Variants in CCT4 observed in about 807,000 individuals in gnomAD.
CCT4 encodes T-complex protein 1 subunit delta.
A neutral mutation model predicts 62.5 loss-of-function variants in CCT4; 17 were observed. The observed-to-expected ratio is 0.27, with a 90% CI of 0.19 to 0.41. The LOEUF is 0.41. CCT4 is among the 10% of genes least tolerant of loss of function. CCT4 has a pLI of 1.00. For synonymous variants in CCT4, 250 were observed against 229.9 expected (o/e 1.09, Z -0.79); for missense variants, 592 against 659.2 (o/e 0.90, Z 1.12).
intron 1 of CCT4, among the ~76,000 whole-genome samples, chr2:61,887,496 T>C (rs1265332794): frequency 1.3e-5 from 2 of 152,178 alleles, no homozygotes. Flanking sequence ...ACCTCTTCTG[T>C]AAACATACTA....
chr2:61,888,371 A>G lies in CCT4; in HGVS notation c.127+10T>C. 1.2e-6 allele frequency: 2 copies of G among 1,612,090 alleles called. No individual in the cohort carries two copies. Among genetic ancestry groups the G allele is most frequent in the Non-Finnish European group, 8.5e-7 (1 of 1,179,122 alleles). On this transcript the variant is annotated intron_variant, in intron 1 of 13. Coordinates refer to ENST00000394440, the MANE Select transcript of CCT4 (RefSeq NM_006430.4). Reference sequence around the variant, plus strand: ...CCGCGGCGCCGCGGGTCAGGCCATGAGAGTGATACCTTTGGCGGCGGAAAT... The same window carrying G: ...CCGCGGCGCCGCGGGTCAGGCCATGGGAGTGATACCTTTGGCGGCGGAAAT...
intron 12 of CCT4, among the ~76,000 whole-genome samples, chr2:61,870,657 G>A (rs1668864888): frequency 6.6e-6 from 1 of 152,150 alleles, no homozygotes; most frequent in Non-Finnish European, 1.5e-5. Flanking sequence ...CGTGGCTCAC[G>A]CCTATAATCC....
At chr2:61,878,105 T>C (rs1453787760) in intron 5 of CCT4, among the ~76,000 whole-genome samples, 2 of 152,196 alleles carry the variant, frequency 1.3e-5, no homozygotes, top group Non-Finnish European at 2.9e-5. Flanking sequence ...CTATCTGTAT[T>C]AGTTCTAAGG....
intron 8 of CCT4, among the ~76,000 whole-genome samples, chr2:61,875,706 T>C (rs1668983509): frequency 6.6e-6 from 1 of 151,772 alleles, no homozygotes; most frequent in African/African-American, 2.4e-5. Context: ...ATCGAAGAAA[T>C]AAGTTTTTTA....
rs1279688851 is a variant in CCT4 at position 61,873,242 on chromosome 2, C to T, written c.969G>A (p.Met323Ile). 3.9e-6 allele frequency: 6 copies of T among 1,542,278 alleles called. No homozygotes were observed. Among genetic ancestry groups the T allele is most frequent in the Non-Finnish European group, 5.4e-6 (6 of 1,115,232 alleles). Residue 323 changes from methionine (M) to isoleucine (I), a missense_variant, in exon 9 of 14, where the codon ATG (methionine) becomes ATA (isoleucine). Physicochemically the swap from Met to Ile is conservative, Grantham distance 10. Around this residue, in one of 3 missense-constraint regions of CCT4, gnomAD observed 522 missense variants for 571.2 expected, o/e 0.91. Coordinates refer to ENST00000394440, the MANE Select transcript of CCT4 (RefSeq NM_006430.4). ...ALHFLNKMKI[M>I]VIKDIEREDI... ...CTTCTCTTTCAATATCCTTAATCAC[C>T]ATGATCTTCATTTTATTCAGAAAGT...
At chr2:61,870,623 T>TA (rs966861337) in intron 12 of CCT4, among the ~76,000 whole-genome samples, 7 of 152,022 alleles carry the variant, frequency 4.6e-5, no homozygotes, top group Non-Finnish European at 1.0e-4. Context: ...GCCTCTTGCT[T>TA]AAAAAAATCT....
Position 61,876,141 on chromosome 2 carries a change from T to C in CCT4, c.871A>G (p.Lys291Glu). The stretch of plus-strand genomic sequence containing the variant: ...AGAAGGACATTACATCCTGTTTTTT[T>C]AATTTGCTTCACTAAATTTAAAATA... ...AYILNLVKQI[K>E]KTGCNVLLIQ... Residue 291 changes from lysine (K) to glutamate (E), a missense_variant, in exon 8 of 14, where the codon AAA becomes GAA. This residue lies in a region of CCT4 where 522 missense variants were observed against 571.2 expected (regional missense o/e 0.91). Coordinates refer to ENST00000394440, the MANE Select transcript of CCT4 (RefSeq NM_006430.4). 1.2e-6 allele frequency: 2 copies of C among 1,605,244 alleles called. No homozygotes were observed. The highest frequency in any genetic ancestry group is 4.5e-5 in the East Asian group (2 of 44,772).
chr2:61,887,766 A>C (rs191907517), intron 1 of CCT4, among the ~76,000 whole-genome samples: 15 of 152,364 alleles, frequency 9.8e-5, no homozygotes, highest in Admixed American at 9.8e-4. Flanking sequence ...ACACACTTCC[A>C]CAAAAAAAAC....
intron 5 of CCT4, among the ~76,000 whole-genome samples, chr2:61,878,092 A>G (rs982394573): frequency 3.6e-4 from 55 of 152,318 alleles, no homozygotes; most frequent in Middle Eastern, 6.8e-3. Context: ...CCATTACGCT[A>G]TACTATCTGT....
rs1028933640 is a variant in CCT4 at position 61,876,907 on chromosome 2, G to C, written c.777+13C>G. On this transcript the variant is annotated intron_variant, in intron 7 of 13. Transcript: ENST00000394440. ...TAAACACAGAGAACCAATTTCATTT[G>C]GATTCTACTTACGTCTGTTTTGGGA... 1 of 1,586,528 alleles carries C rather than the reference G, an allele frequency of 6.3e-7. No individual in the cohort carries two copies. The highest frequency in any genetic ancestry group is 8.6e-7 in the Non-Finnish European group (1 of 1,169,394).
intron 8 of CCT4, among the ~76,000 whole-genome samples, chr2:61,875,032 C>G (rs574639853): frequency 2.0e-5 from 3 of 151,540 alleles, no homozygotes; most frequent in Non-Finnish European, 4.4e-5. Context: ...ATCCCAACTA[C>G]TCGGGAGGCT....
intron 8 of CCT4, among the ~76,000 whole-genome samples, chr2:61,874,923 T>C (rs1272037681): frequency 1.3e-5 from 2 of 152,078 alleles, no homozygotes; most frequent in African/African-American, 4.8e-5. Context: ...GGCTGGCGGA[T>C]CACCTGAGGT....
At chr2:61,881,085 A>C (rs1313221635) in intron 3 of CCT4, among the ~76,000 whole-genome samples, 3 of 152,082 alleles carry the variant, frequency 2.0e-5, no homozygotes, top group African/African-American at 7.2e-5. Context: ...TTGTAAGTAT[A>C]ACCTGATTCA....
chr2:61,888,557 G>A lies in CCT4; in HGVS notation c.-50C>T, dbSNP rs1669318876. 4 of 1,586,578 alleles carry A rather than the reference G, an allele frequency of 2.5e-6. No individual in the cohort carries two copies. The highest frequency in any genetic ancestry group is 1.1e-5 in the South Asian group (1 of 89,078). The stretch of plus-strand genomic sequence containing the variant: ...GGCTCGGGAAGGACGGATGGACCCG[G>A]ATTCTGGCCGGCCGCAGTGTAATAA... On this transcript the variant is annotated 5_prime_UTR_variant, in exon 1 of 14. Coordinates refer to ENST00000394440, the MANE Select transcript of CCT4 (RefSeq NM_006430.4).
intron 12 of CCT4, 70 bp downstream of exon 12, chr2:61,872,012 A>G: frequency 9.4e-7 from 1 of 1,065,836 alleles, no homozygotes; most frequent in Non-Finnish European, 1.4e-6. Flanking sequence ...TTTCCATTCA[A>G]CAGATGACTA....
In CCT4 at chr2:61,868,574, G is replaced by C. The variant is rs1668821851; in HGVS notation, c.*118C>G. 1.3e-6 allele frequency: 1 copy of C among 746,896 alleles called. No individual in the cohort carries two copies. Among genetic ancestry groups the C allele is most frequent in the African/African-American group, 1.7e-5 (1 of 57,590 alleles). The allele number at this position is 746,896 out of a possible 1,614,324, so 46.3% of individuals were successfully genotyped here. On this transcript the variant is annotated 3_prime_UTR_variant, in exon 14 of 14. Transcript: ENST00000394440. ...TACAACTTCAGGCAAATGCCAACTG[G>C]AAGACCAAGCCCAGAAATTCAGAGG...
intron 3 of CCT4, among the ~76,000 whole-genome samples, chr2:61,882,318 T>C (rs1421250045): frequency 5.3e-5 from 8 of 152,132 alleles, no homozygotes; most frequent in Non-Finnish European, 1.2e-4. Flanking sequence ...ATTCCTCGAG[T>C]GTATGCCAAG....
chr2:61,886,440 C>T (rs1669251953), intron 1 of CCT4, among the ~76,000 whole-genome samples: 1 of 152,138 alleles, frequency 6.6e-6, no homozygotes, highest in Admixed American at 6.6e-5. Flanking sequence ...ACCTAACAAA[C>T]CAAACAAAAA....
At chr2:61,877,713 T>C (rs919256015) in intron 5 of CCT4, among the ~76,000 whole-genome samples, 199 bp from the exon 6 acceptor site, 1 of 152,152 alleles carries the variant, frequency 6.6e-6, no homozygotes, top group Non-Finnish European at 1.5e-5. Flanking sequence ...AATAAAAACA[T>C]GTATGCTTGC....
Sources: gnomAD v4.1 joint callset for allele counts (sites outside exome capture counted in the v4.1 genomes callset) on GRCh38, gnomAD v4.1.1 for gene constraint, gnomAD v4.1.1 regional missense constraint, MANE v1.5 for transcripts, NCBI Gene and HGNC (gene_info 2026-07-23, HGNC 2026-07-21) for gene names.